The following OCA2 variants were observed in gnomAD, a reference collection of about 807,000 sequenced individuals.
OCA2 encodes the protein P protein.
In OCA2, 77 loss-of-function variants were observed where a neutral mutation model predicts 100.2. The observed-to-expected ratio is 0.77, with a 90% CI of 0.64 to 0.93. The LOEUF is 0.93. OCA2 is among the 40% of genes least tolerant of loss of function. The pLI is 0.00. For missense variants in OCA2, 1,062 were observed against 1,089.1 expected (o/e 0.98, Z 0.35); for synonymous variants, 432 against 439.2 (o/e 0.98, Z 0.21).
intron 14 of OCA2, among the ~76,000 whole-genome samples, chr15:27,968,800 C>T (rs1020260286): frequency 1.3e-5 from 2 of 152,108 alleles, no homozygotes; most frequent in Non-Finnish European, 2.9e-5. Flanking sequence ...CACACAGAGG[C>T]GGGACTCATG....
At chr15:28,020,111 A>G (rs1041499545) in intron 6 of OCA2, among the ~76,000 whole-genome samples, 2 of 151,980 alleles carry the variant, frequency 1.3e-5, no homozygotes, top group Admixed American at 6.5e-5. Flanking sequence ...CAGGCGAGAC[A>G]GCTCCCCGCC....
intron 23 of OCA2, among the ~76,000 whole-genome samples, chr15:27,841,188 A>G (rs1208330515): frequency 6.6e-6 from 1 of 152,258 alleles, no homozygotes. Context: ...AATGATGCCG[A>G]GTGAAAACAG....
intron 14 of OCA2, among the ~76,000 whole-genome samples, chr15:27,977,862 C>A (rs916197392): frequency 6.6e-6 from 1 of 152,130 alleles, no homozygotes; most frequent in African/African-American, 2.4e-5. Flanking sequence ...AGTGAGAGAG[C>A]GGCCATCTGC....
At chr15:27,903,614 C>T (rs2038053045) in intron 19 of OCA2, among the ~76,000 whole-genome samples, 1 of 152,206 alleles carries the variant, frequency 6.6e-6, no homozygotes, top group African/African-American at 2.4e-5. Flanking sequence ...TCGCCCCCTG[C>T]TTCCTGCCCT....
In OCA2 at chr15:27,957,967, C is replaced by T. The variant is rs1423496787; in HGVS notation, c.1637-232G>A. Among the ~76,000 whole-genome samples, 3 of 152,130 alleles carry T rather than the reference C, an allele frequency of 2.0e-5. No individual in the cohort carries two copies. The highest frequency in any genetic ancestry group is 4.4e-5 in the Non-Finnish European group (3 of 68,022). On this transcript the variant is annotated intron_variant, in intron 15 of 23. Coordinates refer to ENST00000354638, the MANE Select transcript of OCA2 (RefSeq NM_000275.3). The surrounding 1 kb of genome is among the most constrained non-coding windows in gnomAD (Gnocchi z 4.3). ...ATTGCAAGGACAAAAAACCAAACAC[C>T]ACATGTTCTCACTCATAGGTGGGAA...
At chr15:28,082,707 C>G (rs1374564654) in intron 1 of OCA2, among the ~76,000 whole-genome samples, 2 of 152,136 alleles carry the variant, frequency 1.3e-5, no homozygotes, top group African/African-American at 2.4e-5. Context: ...GCCCAAAAGA[C>G]ACACCCTCCA....
At chr15:28,027,283 A>G (rs996661188) in intron 4 of OCA2, among the ~76,000 whole-genome samples, 5 of 149,850 alleles carry the variant, frequency 3.3e-5, no homozygotes, top group Non-Finnish European at 5.9e-5. Flanking sequence ...TCCCCTCCCC[A>G]CCCATTGCTC....
At chr15:28,026,713 G>A (rs765338537) in intron 4 of OCA2, among the ~76,000 whole-genome samples, 1 of 152,106 alleles carries the variant, frequency 6.6e-6, no homozygotes, top group African/African-American at 2.4e-5. Context: ...GGATCCCTAC[G>A]CACCTCAGGG....
intron 18 of OCA2, among the ~76,000 whole-genome samples, chr15:27,939,022 T>C (rs2039556396): frequency 6.6e-6 from 1 of 152,172 alleles, no homozygotes; most frequent in South Asian, 2.1e-4. Context: ...GCTGAGGCCA[T>C]GGGGGAACCA....
chr15:27,752,107 C>T (rs903871573), downstream of OCA2, among the ~76,000 whole-genome samples: 5 of 152,182 alleles, frequency 3.3e-5, no homozygotes, highest in Non-Finnish European at 7.3e-5. Flanking sequence ...GGCCGTGTGT[C>T]AAAGGTAAGG....
At chr15:27,895,502 C>T (rs368558629) in intron 19 of OCA2, among the ~76,000 whole-genome samples, 211 of 152,260 alleles carry the variant, frequency 1.4e-3, no homozygotes, top group South Asian at 2.3e-3. Context: ...TGGTCCCAGA[C>T]GGACCTGAGG....
At position 28,018,421 on chromosome 15, in the gene OCA2, G is replaced by A. The variant is rs753509134; in HGVS notation, c.783C>T (p.Gly261=). Residue 261 remains glycine (G), a synonymous_variant, in exon 7 of 24, where the codon GGC becomes GGT. Transcript: ENST00000354638. The part of the protein sequence containing the change: ...VVELTQADAL[G]SRWRRPQQVT... ...CCTGCTGTGGCCGCCGCCACCTGGA[G>A]CCCAAAGCGTCAGCCTGGGTCAGCT... The A allele has an allele frequency of 1.2e-6, 2 of 1,614,116 alleles. No homozygotes were observed.
chr15:27,991,896 G>C (rs1566768776), intron 9 of OCA2, among the ~76,000 whole-genome samples: 1 of 152,024 alleles, frequency 6.6e-6, no homozygotes, highest in Non-Finnish European at 1.5e-5. Flanking sequence ...TGCAAATTCT[G>C]ACTAAAATTA....
intron 19 of OCA2, among the ~76,000 whole-genome samples, chr15:27,913,989 C>A (rs2038568527): frequency 6.6e-6 from 1 of 151,774 alleles, no homozygotes; most frequent in Non-Finnish European, 1.5e-5. Context: ...CAAAAATCCT[C>A]AATAAAATAC....
chr15:27,897,366 G>A (rs944386878), intron 19 of OCA2, among the ~76,000 whole-genome samples: 6 of 151,782 alleles, frequency 4.0e-5, no homozygotes, highest in Non-Finnish European at 5.9e-5. Flanking sequence ...CCTGGGTCGG[G>A]CCCAGCACCT....
At chr15:27,936,010 G>C (rs939740514) in intron 18 of OCA2, among the ~76,000 whole-genome samples, 1 of 152,168 alleles carries the variant, frequency 6.6e-6, no homozygotes, top group Non-Finnish European at 1.5e-5. Flanking sequence ...ACCCACAGAT[G>C]GACTGTGCAT....
At chr15:28,064,357 T>TTCTC (rs149501086) in intron 2 of OCA2, among the ~76,000 whole-genome samples, 1 of 150,090 alleles carries the variant, frequency 6.7e-6, no homozygotes, top group African/African-American at 2.4e-5. Context: ...TTCTGGTCCT[T>TTCTC]TCTCTCTCTC....
intron 23 of OCA2, among the ~76,000 whole-genome samples, chr15:27,763,177 A>G (rs2030978927): frequency 6.6e-6 from 1 of 152,244 alleles, no homozygotes; most frequent in African/African-American, 2.4e-5. Flanking sequence ...AAACATTTAG[A>G]AGAAAACATA....
intron 9 of OCA2, among the ~76,000 whole-genome samples, chr15:28,005,822 C>A (rs1361103812): frequency 1.3e-5 from 2 of 152,176 alleles, no homozygotes; most frequent in African/African-American, 4.8e-5. Context: ...GTCATTTAAT[C>A]AGCCTACTGC....
Sources: allele counts gnomAD v4.1 joint callset (sites outside exome capture counted in the v4.1 genomes callset), GRCh38; gene constraint gnomAD v4.1.1; non-coding constraint Gnocchi (gnomAD v3.1); transcripts MANE v1.5; gene names NCBI Gene and HGNC (gene_info 2026-07-23, HGNC 2026-07-21).